TJP1: variants seen among roughly 807,000 people sequenced by gnomAD.
TJP1 encodes the protein tight junction protein 1.
A neutral mutation model predicts 194.2 loss-of-function variants in TJP1; 43 were observed. The ratio of observed to expected loss-of-function variants is 0.22; its 90% CI spans 0.17 to 0.29. The LOEUF (loss-of-function observed/expected upper bound fraction) is 0.29, where lower values mean the gene tolerates loss of function less well. TJP1 is among the 10% of genes least tolerant of loss of function. TJP1 has a pLI of 1.00. For missense variants in TJP1, 1,971 were observed against 2,185.7 expected, an observed-to-expected ratio of 0.90 and a Z score of 1.96; for synonymous variants, 801 against 779.0, an observed-to-expected ratio of 1.03 and a Z score of -0.47.
intron 8 of TJP1, among the ~76,000 whole-genome samples, chr15:29,755,794 A>C (rs1216096064): frequency 6.6e-6 from 1 of 152,192 alleles, no homozygotes; most frequent in East Asian, 1.9e-4. Context: ...GAGTGTAACA[A>C]ATGTAAATGG....
In TJP1 at chr15:29,822,284, G is replaced by C. The variant is rs1354903890; in HGVS notation, c.-256C>G. The C allele has an allele frequency of 8.7e-7, 1 of 1,144,134 alleles. No homozygotes were observed. The highest frequency in any genetic ancestry group is 1.1e-6 in the Non-Finnish European group (1 of 931,390). 70.9% of individuals were successfully genotyped at this position (1,144,134 alleles called of 1,614,324 possible). On this transcript the variant is annotated 5_prime_UTR_variant, in exon 1 of 28. Transcript: ENST00000614355. ...TCCCTCCGAGCGCGGCCACCCACTC[G>C]GCCTCCCGCAGCTTTCGCAGCCCGG...
At chr15:29,895,731 A>G (rs763161305) in intron 2 of TJP1, among the ~76,000 whole-genome samples, 13 of 152,200 alleles carry the variant, frequency 8.5e-5, no homozygotes, top group Non-Finnish European at 1.9e-4. Flanking sequence ...CCAGTTCCAA[A>G]GCCACCTCCA....
chr15:29,879,105 C>A (rs914236352), intron 2 of TJP1, among the ~76,000 whole-genome samples: 1 of 152,072 alleles, frequency 6.6e-6, no homozygotes, highest in African/African-American at 2.4e-5. Context: ...GCCTGGGAGA[C>A]AGAGTGAGAC....
chr15:29,783,614 A>G (rs1008717645), intron 2 of TJP1, among the ~76,000 whole-genome samples: 3 of 152,384 alleles, frequency 2.0e-5, no homozygotes, highest in South Asian at 2.1e-4. Flanking sequence ...TAAATGTAGT[A>G]TAACTATGCA....
At chr15:29,965,956 C>T (rs558986886) in intron 1 of TJP1, among the ~76,000 whole-genome samples, 2 of 152,096 alleles carry the variant, frequency 1.3e-5, no homozygotes, top group Non-Finnish European at 2.9e-5. Context: ...TTTTCCAGGC[C>T]GCCTCTTAGT....
At chr15:29,964,767 G>A (rs2056275849) in intron 1 of TJP1, among the ~76,000 whole-genome samples, 1 of 152,226 alleles carries the variant, frequency 6.6e-6, no homozygotes, top group Non-Finnish European at 1.5e-5. Context: ...ACCTCAGGTA[G>A]AGGTAACCAG....
intron 2 of TJP1, among the ~76,000 whole-genome samples, chr15:29,932,664 A>G (rs2054759069): frequency 1.3e-5 from 2 of 152,194 alleles, no homozygotes; most frequent in Non-Finnish European, 2.9e-5. Context: ...AATAAAAGGT[A>G]AAATTACTGA....
chr15:29,737,909 A>T (rs1016088971), intron 10 of TJP1, among the ~76,000 whole-genome samples: 4 of 152,174 alleles, frequency 2.6e-5, no homozygotes, highest in East Asian at 1.9e-4. Context: ...AGTGATTTTT[A>T]AAAAAACTTT....
intron 2 of TJP1, among the ~76,000 whole-genome samples, chr15:29,940,372 A>C (rs2055028218): frequency 6.6e-6 from 1 of 152,204 alleles, no homozygotes; most frequent in South Asian, 2.1e-4. Flanking sequence ...TAGCTACTAC[A>C]AAATGTAGGA....
At chr15:29,794,527 G>A (rs908981232) in intron 2 of TJP1, among the ~76,000 whole-genome samples, 2 of 152,054 alleles carry the variant, frequency 1.3e-5, no homozygotes, top group East Asian at 3.9e-4. Flanking sequence ...CTTCTAACAA[G>A]GTCAGAAAAA....
intron 2 of TJP1, among the ~76,000 whole-genome samples, chr15:29,887,140 C>A (rs1423549122): frequency 6.6e-6 from 1 of 151,912 alleles, no homozygotes. Flanking sequence ...CACTAGGTAA[C>A]AATTCAGACC....
intron 4 of TJP1, 29 bp downstream of exon 4, chr15:29,772,029 GTACCTT>G: frequency 7.5e-7 from 1 of 1,328,796 alleles, no homozygotes; most frequent in Middle Eastern, 1.9e-4. Context: ...TAAAGTTGGG[GTACCTT>G]TACTAAATTA....
chr15:29,849,201 C>A (rs1202120393), intron 2 of TJP1, among the ~76,000 whole-genome samples: 2 of 152,092 alleles, frequency 1.3e-5, no homozygotes, highest in Non-Finnish European at 2.9e-5. Context: ...CTACATACAG[C>A]ACTTCTACCT....
chr15:29,766,551 T>TA lies in TJP1; in HGVS notation c.313-10dup. On this transcript the variant is annotated splice_polypyrimidine_tract_variant and intron_variant, in intron 4 of 27. Transcript: ENST00000614355. ...TTCTTCCTTCTAATTGTCTGCAAGT[T>TA]AAAAAGGTTAAAAAATAAGTTGACT... 6.6e-7 allele frequency: 1 copy of TA among 1,525,942 alleles called. No individual in the cohort carries two copies. Among genetic ancestry groups the TA allele is most frequent in the Admixed American group, 2.2e-5 (1 of 45,434 alleles). 94.5% of individuals were successfully genotyped at this position (1,525,942 alleles called of 1,614,324 possible). A position where few individuals can be genotyped will look rare whatever the true frequency, so the allele number is the denominator to read the frequency against.
At position 29,771,799 on chromosome 15, in the gene TJP1, C is replaced by G. The variant is rs181740183; in HGVS notation, c.312+265G>C. Among the ~76,000 whole-genome samples, 545 of 146,032 alleles carry G rather than the reference C, an allele frequency of 3.7e-3. 3 individuals are homozygous for G. Among genetic ancestry groups the G allele is most frequent in the Middle Eastern group, 0.014 (4 of 278 alleles). Reference sequence around the variant, plus strand: ...CAGCTTGGGCGACAGAGCGAGACTCCGTCTCAAAAAAAAAAAAAAAAGGTA... The same window carrying G: ...CAGCTTGGGCGACAGAGCGAGACTCGGTCTCAAAAAAAAAAAAAAAAGGTA... On this transcript the variant is annotated intron_variant, in intron 4 of 27. Transcript: ENST00000614355.
At chr15:29,789,085 T>C (rs1647928326) in intron 2 of TJP1, among the ~76,000 whole-genome samples, 1 of 152,256 alleles carries the variant, frequency 6.6e-6, no homozygotes, top group East Asian at 1.9e-4. Flanking sequence ...GCATACTAAA[T>C]AAGACCTATT....
intron 2 of TJP1, among the ~76,000 whole-genome samples, chr15:29,785,661 TCCGC>T (rs1484984455): frequency 3.1e-4 from 47 of 152,348 alleles, no homozygotes; most frequent in Middle Eastern, 6.8e-3. Flanking sequence ...GCTTGTACAA[TCCGC>T]TAATTATAAC....
chr15:29,941,255 C>G (rs775844017), intron 2 of TJP1, among the ~76,000 whole-genome samples: 47 of 152,288 alleles, frequency 3.1e-4, no homozygotes, highest in Non-Finnish European at 5.4e-4. Context: ...CTCCCCTGTT[C>G]GCTTCTTCAG....
chr15:29,829,827 T>C, intron 2 of TJP1, among the ~76,000 whole-genome samples: 1 of 152,052 alleles, frequency 6.6e-6, no homozygotes, highest in Non-Finnish European at 1.5e-5. Flanking sequence ...GCATACTTTT[T>C]ATTTTAAAAA....
Sources: allele counts gnomAD v4.1 joint callset (sites outside exome capture counted in the v4.1 genomes callset), GRCh38; gene constraint gnomAD v4.1.1; transcripts MANE v1.5; gene names NCBI Gene and HGNC (gene_info 2026-07-23, HGNC 2026-07-21).